LRRC8B: variants seen among roughly 807,000 people sequenced by gnomAD.
LRRC8B encodes volume-regulated anion channel subunit LRRC8B.
In LRRC8B, 23 loss-of-function variants were observed where a neutral mutation model predicts 58.8. The observed-to-expected ratio is 0.39, with a 90% CI of 0.28 to 0.55. LRRC8B has a LOEUF of 0.55. LRRC8B is among the 20% of genes least tolerant of loss of function. LRRC8B has a pLI of 0.62. For missense variants in LRRC8B, 694 were observed against 936.0 expected (o/e 0.74, Z 3.37); for synonymous variants, 359 against 374.1 (o/e 0.96, Z 0.47).
chr1:89,532,908 A>T (rs1650243785), intron 1 of LRRC8B, among the ~76,000 whole-genome samples: 1 of 152,186 alleles, frequency 6.6e-6, no homozygotes, highest in Admixed American at 6.5e-5. Flanking sequence ...TTACCCAGTT[A>T]TGTATCCCAA....
chr1:89,543,751 C>T (rs559061736), intron 1 of LRRC8B, among the ~76,000 whole-genome samples: 2 of 151,986 alleles, frequency 1.3e-5, no homozygotes, highest in African/African-American at 4.8e-5. Flanking sequence ...CCACCTTGGC[C>T]TCCCAAAGTG....
rs745355386 is a variant in LRRC8B, at chr1:89,584,302, G to A, written c.1652G>A (p.Arg551Gln). Residue 551 changes from arginine to glutamine, a missense_variant, in exon 5 of 6, where the codon CGG (arginine) becomes CAG (glutamine). Transcript: ENST00000330947. ...CTGTACTTGAAGAGCAGCCTCTCCCGGATCCCACAAGTTGTTACAGACCTC... is the reference window on the plus strand; with the variant it reads ...CTGTACTTGAAGAGCAGCCTCTCCCAGATCCCACAAGTTGTTACAGACCTC... ...RTLYLKSSLS[R>Q]IPQVVTDLLP... 9 of 1,613,998 alleles carry A rather than the reference G, an allele frequency of 5.6e-6. No homozygotes were observed. The highest frequency in any genetic ancestry group is 2.2e-5 in the South Asian group (2 of 91,076).
intron 3 of LRRC8B, among the ~76,000 whole-genome samples, chr1:89,576,848 G>A (rs554808881): frequency 2.6e-5 from 4 of 152,204 alleles, no homozygotes; most frequent in South Asian, 4.1e-4. Context: ...TGTTATTGCC[G>A]GTGATCATTT....
At chr1:89,586,148 A>G (rs749923595) in intron 5 of LRRC8B, among the ~76,000 whole-genome samples, 1 of 152,210 alleles carries the variant, frequency 6.6e-6, no homozygotes, top group Non-Finnish European at 1.5e-5. Context: ...GAATTACCCA[A>G]AAGGCTTGCT....
chr1:89,577,921 A>G (rs771690243), intron 3 of LRRC8B, among the ~76,000 whole-genome samples: 8 of 152,106 alleles, frequency 5.3e-5, no homozygotes, highest in East Asian at 1.9e-4. Context: ...GAGACCTAAG[A>G]CTGTGGCGTA....
chr1:89,585,851 T>G (rs1410445064), intron 5 of LRRC8B, among the ~76,000 whole-genome samples: 2 of 152,138 alleles, frequency 1.3e-5, no homozygotes, highest in Admixed American at 1.3e-4. Context: ...TGTATTATCT[T>G]TTAGACTTTT....
At chr1:89,589,996 T>G (rs1654879159) in intron 5 of LRRC8B, among the ~76,000 whole-genome samples, 1 of 152,206 alleles carries the variant, frequency 6.6e-6, no homozygotes, top group Non-Finnish European at 1.5e-5. Context: ...TTGTCATCTA[T>G]TTTGTAGTTT....
chr1:89,572,053 G>T (rs1370002516), intron 3 of LRRC8B, among the ~76,000 whole-genome samples: 1 of 152,094 alleles, frequency 6.6e-6, no homozygotes. Context: ...TCTCTTTAAG[G>T]TCTCTAAGAA....
chr1:89,592,326 T>C (rs1655037425), intron 5 of LRRC8B, among the ~76,000 whole-genome samples: 1 of 152,198 alleles, frequency 6.6e-6, no homozygotes, highest in African/African-American at 2.4e-5. Context: ...TGTCAGATTC[T>C]TAGGATGTTT....
chr1:89,578,084 A>G (rs1351877311), intron 3 of LRRC8B, among the ~76,000 whole-genome samples: 2 of 152,346 alleles, frequency 1.3e-5, no homozygotes, highest in East Asian at 1.9e-4. Flanking sequence ...TTCTATGCAT[A>G]TAAACATAAA....
rs1406289928 is a variant in LRRC8B, at chr1:89,584,381, G to A, written c.1731G>A (p.Val577=). The change falls in exon 5 of 6, where the codon GTG becomes GTA. Residue 577 remains valine, a synonymous_variant. Transcript: ENST00000330947. ...ATAATGAGGGAAGCAAACTGGTTGT[G>A]TTGAACAACTTGAAAAAGATGGTCA... ...SLDNEGSKLV[V]LNNLKKMVNL... is the part of the protein sequence containing the mutation. 12 of 1,614,030 alleles carry A rather than the reference G, an allele frequency of 7.4e-6. No individual in the cohort carries two copies. Among genetic ancestry groups the A allele is most frequent in the Non-Finnish European group, 1.0e-5 (12 of 1,180,036 alleles).
chr1:89,540,299 A>G (rs1010415145), intron 1 of LRRC8B, among the ~76,000 whole-genome samples: 2 of 152,234 alleles, frequency 1.3e-5, no homozygotes, highest in South Asian at 2.1e-4. Flanking sequence ...CCATGTGTCC[A>G]TTACATTGTA....
chr1:89,573,537 T>C (rs1653623441), intron 3 of LRRC8B, among the ~76,000 whole-genome samples: 1 of 152,144 alleles, frequency 6.6e-6, no homozygotes, highest in Non-Finnish European at 1.5e-5. Context: ...TACTACAGTT[T>C]TGGGTCAGAA....
At chr1:89,555,319 T>G (rs374024610) in intron 1 of LRRC8B, among the ~76,000 whole-genome samples, 3 of 152,318 alleles carry the variant, frequency 2.0e-5, no homozygotes, top group African/African-American at 7.2e-5. Flanking sequence ...GGGGCTCAAA[T>G]GGAGTCTTTA....
At position 89,595,769 on chromosome 1, in the gene LRRC8B, C is replaced by T. The variant is rs1570663355; in HGVS notation, c.*2726C>T. 1.3e-5 allele frequency: 2 copies of T among 152,090 alleles called. No individual in the cohort carries two copies. Among genetic ancestry groups the T allele is most frequent in the East Asian group, 3.8e-4 (2 of 5,200 alleles). The allele number at this position is 152,090 out of a possible 1,614,324, so 9.4% of individuals were successfully genotyped here. On this transcript the variant is annotated 3_prime_UTR_variant, in exon 6 of 6. Coordinates refer to ENST00000330947, the MANE Select transcript of LRRC8B (RefSeq NM_001369817.2). ...ATAAAAAATAGGGTGTTAATACCACCTTTACTGTACTGTTGGAGCAGATCT... is the reference window on the plus strand; with the variant it reads ...ATAAAAAATAGGGTGTTAATACCACTTTTACTGTACTGTTGGAGCAGATCT...
Position 89,584,432 on chromosome 1 carries a change from C to A in LRRC8B, c.1782C>A (p.Ser594Arg). Reference protein sequence around the residue: ...MVNLKSLELISCDLERIPHSI... With the variant: ...MVNLKSLELIRCDLERIPHSI... ...ATCTGAAAAGCCTAGAACTGATCAG[C>A]TGTGACCTGGAACGCATCCCACATT... Residue 594 changes from serine to arginine, a missense_variant, in exon 5 of 6, where the codon AGC becomes AGA. Physicochemically the swap from Ser to Arg is moderately radical, Grantham distance 110. Coordinates refer to ENST00000330947, the MANE Select transcript of LRRC8B (RefSeq NM_001369817.2). 1 of 1,614,156 alleles carries A rather than the reference C, an allele frequency of 6.2e-7. No individual in the cohort carries two copies. The highest frequency in any genetic ancestry group is 8.5e-7 in the Non-Finnish European group (1 of 1,180,024).
chr1:89,585,464 G>C lies in LRRC8B; in HGVS notation c.2139+675G>C, dbSNP rs1205966218. Among the ~76,000 whole-genome samples the C allele has an allele frequency of 4.6e-5, 7 of 152,206 alleles. No individual in the cohort carries two copies. The East Asian group carries it at 1.4e-3, about 29-fold the overall frequency. On this transcript the variant is annotated intron_variant, in intron 5 of 5. Transcript: ENST00000330947. ...ACAAAATAAATGAGTAGTTTCCTAG[G>C]TTAAGATATGGAGGAGGAGGAAAAA...
Position 89,559,603 on chromosome 1 carries a change from CAAA to C in LRRC8B, c.-240-8633_-240-8631del, listed in dbSNP as rs1204800773. ...TAAATGACAGAGTGAGACCCTGTCT[CAAA>C]AAAAAAAAAATATATATATATATAC... is the stretch of plus-strand genomic sequence containing the variant. On this transcript the variant is annotated intron_variant, in intron 1 of 5. Coordinates refer to ENST00000330947, the MANE Select transcript of LRRC8B (RefSeq NM_001369817.2). Among the ~76,000 whole-genome samples the C allele has an allele frequency of 7.9e-3, 1,037 of 131,310 alleles. 15 individuals carry two copies. Among genetic ancestry groups the C allele is most frequent in the African/African-American group, 0.027 (970 of 36,266 alleles). 86.1% of individuals were successfully genotyped at this position (131,310 alleles called of 152,430 possible).
At position 89,593,092 on chromosome 1, in the gene LRRC8B, C is replaced by A. The variant is rs112054975; in HGVS notation, c.*49C>A. ...TCAAAATCATTTTTAAAAGTATGCT[C>A]GGCCGGGCGTGGTGGCTCATGCCTA... On this transcript the variant is annotated 3_prime_UTR_variant, in exon 6 of 6. Transcript: ENST00000330947. 1.4e-5 allele frequency: 22 copies of A among 1,579,224 alleles called. No individual in the cohort carries two copies. In the African/African-American group the frequency reaches 2.2e-4, roughly 16 times the overall value.
Sources: gnomAD v4.1 joint callset for allele counts (sites outside exome capture counted in the v4.1 genomes callset) on GRCh38, gnomAD v4.1.1 for gene constraint, MANE v1.5 for transcripts, NCBI Gene and HGNC (gene_info 2026-07-23, HGNC 2026-07-21) for gene names.